Variants in SPTLC3 observed in about 807,000 individuals in gnomAD.
The protein encoded by SPTLC3 is serine palmitoyltransferase 3.
Under a neutral mutation model 59.3 loss-of-function variants are expected in SPTLC3, and 36 were observed. That is an observed-to-expected ratio of 0.61 (90% CI 0.47 to 0.80). SPTLC3 has a LOEUF of 0.80. Ranked by LOEUF, SPTLC3 falls within the 30% of genes least tolerant of loss-of-function variation. The pLI, the probability that SPTLC3 is intolerant of heterozygous loss-of-function variation, is 0.00. For synonymous variants in SPTLC3, 257 were observed against 240.8 expected, an observed-to-expected ratio of 1.07 and a Z score of -0.62; for missense variants, 625 against 685.1, an observed-to-expected ratio of 0.91 and a Z score of 0.98.
chr20:13,158,203 T>C (rs915974684), intron 10 of SPTLC3, among the ~76,000 whole-genome samples: 1 of 152,208 alleles, frequency 6.6e-6, no homozygotes, highest in African/African-American at 2.4e-5. Flanking sequence ...TTATCATTAT[T>C]ATTATTTCAC....
chr20:13,100,135 A>C (rs1989552707), intron 6 of SPTLC3, among the ~76,000 whole-genome samples: 1 of 152,226 alleles, frequency 6.6e-6, no homozygotes, highest in African/African-American at 2.4e-5. Context: ...ACTATAAATG[A>C]ATCAGAATTC....
intron 4 of SPTLC3, 84 bp from the exon 5 acceptor site, chr20:13,090,999 G>C: frequency 6.4e-7 from 1 of 1,553,970 alleles, no homozygotes; most frequent in Non-Finnish European, 8.7e-7. Context: ...GTCTTTTGGT[G>C]ATGTGTACGT....
At chr20:13,164,654 A>G in intron 11 of SPTLC3, 100 bp from the exon 12 acceptor site, 2 of 844,766 alleles carry the variant, frequency 2.4e-6, no homozygotes, top group East Asian at 2.7e-5. Context: ...TAGCAAACTA[A>G]GACTGTGTGT....
rs1407363657 is a variant in SPTLC3 at position 13,167,423 on chromosome 20, T to G, written c.*2556T>G. 6.6e-6 allele frequency: 1 copy of G among 151,914 alleles called. No individual in the cohort carries two copies. The highest frequency in any genetic ancestry group is 1.5e-5 in the Non-Finnish European group (1 of 67,892). The allele number at this position is 151,914 out of a possible 1,614,324, so 9.4% of individuals were successfully genotyped here. A position where few individuals can be genotyped will look rare whatever the true frequency, so the allele number is the denominator to read the frequency against. ...GAAAAGAGAATTTTCTATAATGTTA[T>G]GCGCACTCAGCCCTTCTGTTCACAT... On this transcript the variant is annotated 3_prime_UTR_variant, in exon 12 of 12. Transcript: ENST00000399002.
chr20:13,022,372 C>T (rs1474225512), intron 1 of SPTLC3, among the ~76,000 whole-genome samples: 1 of 152,202 alleles, frequency 6.6e-6, no homozygotes, highest in East Asian at 1.9e-4. Flanking sequence ...TCTATTGCTG[C>T]ATAACAATGC....
chr20:13,102,957 C>T (rs1989664160), intron 6 of SPTLC3, among the ~76,000 whole-genome samples: 1 of 152,162 alleles, frequency 6.6e-6, no homozygotes, highest in Admixed American at 6.5e-5. Context: ...GCACCTGCCT[C>T]ATCCATAAGC....
chr20:13,136,698 GTT>G (rs1437164290), intron 9 of SPTLC3, among the ~76,000 whole-genome samples: 1 of 145,856 alleles, frequency 6.9e-6, no homozygotes, highest in Non-Finnish European at 1.5e-5. Context: ...ATAAATAAAA[GTT>G]ATATATATTT....
In SPTLC3 at chr20:13,154,113, C is replaced by T; in HGVS notation, c.1390C>T (p.Leu464Phe). The T allele has an allele frequency of 1.9e-6, 3 of 1,614,124 alleles. No individual in the cohort carries two copies. The highest frequency in any genetic ancestry group is 2.5e-6 in the Non-Finnish European group (3 of 1,179,972). Residue 464 changes from leucine to phenylalanine, a missense_variant, in exon 10 of 12, where the codon CTT becomes TTT. Coordinates refer to ENST00000399002, the MANE Select transcript of SPTLC3 (RefSeq NM_018327.4). ...GNENASVVPL[L>F]LYMPGKVAAF... ...TGAGAATGCTTCTGTTGTTCCTCTG[C>T]TTCTTTATATGCCTGGTAAAGTAGC...
At chr20:13,164,520 T>C (rs2038958803) in intron 11 of SPTLC3, 2 of 561,440 alleles carry the variant, frequency 3.6e-6, no homozygotes, top group Non-Finnish European at 6.5e-6. Flanking sequence ...CAAAATAAAA[T>C]AAACATTCAT....
chr20:13,050,718 G>A (rs1251030664), intron 2 of SPTLC3: 2 of 152,304 alleles, frequency 1.3e-5, no homozygotes, highest in East Asian at 1.9e-4. Flanking sequence ...CAGATTAACA[G>A]CAGATTTCTC....
intron 6 of SPTLC3, among the ~76,000 whole-genome samples, chr20:13,101,705 A>G (rs1014707686): frequency 1.2e-4 from 19 of 152,008 alleles, no homozygotes; most frequent in African/African-American, 3.9e-4. Flanking sequence ...TTTTTCCCCA[A>G]TATTTCTCAG....
chr20:13,066,212 A>G (rs1988204704), intron 2 of SPTLC3, among the ~76,000 whole-genome samples: 1 of 68,126 alleles, frequency 1.5e-5, no homozygotes, highest in Non-Finnish European at 3.5e-5. Flanking sequence ...ACATTTAAGT[A>G]TTTAATCCAT....
intron 2 of SPTLC3, among the ~76,000 whole-genome samples, chr20:13,064,595 C>T (rs993473324): frequency 4.6e-5 from 7 of 152,180 alleles, no homozygotes; most frequent in East Asian, 3.9e-4. Flanking sequence ...CCACAGAGCA[C>T]GGCTAAATGG....
At chr20:13,074,241 C>T (rs1041810581) in intron 3 of SPTLC3, 108 bp from the exon 4 acceptor site, 120 of 1,414,888 alleles carry the variant, frequency 8.5e-5, no homozygotes, top group Non-Finnish European at 1.1e-4. Context: ...CCTTGGTCAC[C>T]TCATCCTCTT....
At chr20:13,079,023 AACCAAAAATGGCAAAC>A (rs1988747372) in intron 4 of SPTLC3, among the ~76,000 whole-genome samples, 2 of 152,224 alleles carry the variant, frequency 1.3e-5, no homozygotes, top group Non-Finnish European at 2.9e-5. Context: ...TACTAAATAT[AACCAAAAATGGCAAAC>A]ACCTAGGGAA....
chr20:13,056,552 G>A (rs551661539), intron 2 of SPTLC3, among the ~76,000 whole-genome samples: 1 of 149,836 alleles, frequency 6.7e-6, no homozygotes, highest in African/African-American at 2.5e-5. Flanking sequence ...GGGCTCAAGT[G>A]ATCCTCCCAC....
intron 6 of SPTLC3, among the ~76,000 whole-genome samples, chr20:13,107,655 A>G (rs1247759550): frequency 6.6e-6 from 1 of 152,208 alleles, no homozygotes; most frequent in Non-Finnish European, 1.5e-5. Context: ...CCATTCTTCC[A>G]ATTCTTCTTT....
At chr20:13,084,845 T>C (rs1412572085) in intron 4 of SPTLC3, among the ~76,000 whole-genome samples, 1 of 152,198 alleles carries the variant, frequency 6.6e-6, no homozygotes, top group African/African-American at 2.4e-5. Context: ...ACACATTATT[T>C]ATAAAAATAA....
At chr20:13,159,886 T>C (rs944700325) in intron 10 of SPTLC3, 117 bp from the exon 11 acceptor site, 39 of 1,363,332 alleles carry the variant, frequency 2.9e-5, no homozygotes, top group African/African-American at 4.4e-5. Context: ...CTTATTATCA[T>C]AAAAAAGAAA....
Sources: gnomAD v4.1 joint callset for allele counts (sites outside exome capture counted in the v4.1 genomes callset) on GRCh38, gnomAD v4.1.1 for gene constraint, MANE v1.5 for transcripts, NCBI Gene and HGNC (gene_info 2026-07-23, HGNC 2026-07-21) for gene names.